Variants in FKBP9 observed in about 807,000 individuals in gnomAD.
FKBP9 encodes peptidyl-prolyl cis-trans isomerase FKBP9.
A neutral mutation model predicts 55.6 loss-of-function variants in FKBP9; 27 were observed. The ratio of observed to expected loss-of-function variants is 0.49; its 90% confidence interval spans 0.36 to 0.67. The LOEUF (loss-of-function observed/expected upper bound fraction) is 0.67. FKBP9 is among the 30% of genes least tolerant of loss of function. FKBP9 has a pLI of 0.00. For synonymous variants in FKBP9, 267 were observed against 296.5 expected (o/e 0.90, Z 1.02); for missense variants, 539 against 742.8 (o/e 0.73, Z 3.19).
chr7:32,977,862 T>C (rs1035877123), intron 4 of FKBP9, among the ~76,000 whole-genome samples: 11 of 129,362 alleles, frequency 8.5e-5, no homozygotes, highest in Non-Finnish European at 1.8e-4. Context: ...TATATATATA[T>C]ACATGCCCAT....
chr7:32,992,652 G>A (rs1784707841), intron 6 of FKBP9: 2 of 189,320 alleles, frequency 1.1e-5, no homozygotes, highest in Admixed American at 1.2e-4. Flanking sequence ...AGGGATAGAG[G>A]TTCGAAGCCT....
Position 32,980,880 on chromosome 7 carries a change from G to A in FKBP9, c.893+327G>A, listed in dbSNP as rs546258160. 9.2e-5 allele frequency among the ~76,000 whole-genome samples: 14 copies of A among 151,880 alleles called. No individual in the cohort carries two copies. The South Asian group carries it at 1.5e-3, about 16-fold the overall frequency. On this transcript the variant is annotated intron_variant, in intron 5 of 9. Transcript: ENST00000242209. ...CTCCTTAGTAGCTAGGACGATAGGC[G>A]TGTGCCACCATGCTTGGCTAATGTT...
At chr7:32,966,554 A>C (rs1196750975) in intron 1 of FKBP9, among the ~76,000 whole-genome samples, 1 of 152,212 alleles carries the variant, frequency 6.6e-6, no homozygotes, top group Non-Finnish European at 1.5e-5. Flanking sequence ...TATGGGTTGC[A>C]TTAATGACTC....
intron 1 of FKBP9, among the ~76,000 whole-genome samples, chr7:32,962,335 G>C (rs1376311634): frequency 1.3e-5 from 2 of 152,048 alleles, no homozygotes; most frequent in East Asian, 3.9e-4. Flanking sequence ...TGGAGGTTGC[G>C]GTGAGTCGAG....
In FKBP9 at chr7:33,000,142, T is replaced by C. The variant is rs756417253; in HGVS notation, c.1254T>C (p.Ile418=). The C allele has an allele frequency of 2.5e-6, 4 of 1,614,108 alleles. No individual in the cohort carries two copies. The South Asian group carries it at 3.3e-5, about 13-fold the overall frequency. The change falls in exon 8 of 10, where the codon ATT becomes ATC. Residue 418 remains isoleucine (I), a synonymous_variant. Coordinates refer to ENST00000242209, the MANE Select transcript of FKBP9 (RefSeq NM_007270.5). ...GGAATTTAGGCAAAACTTACAATAT[T>C]GTTCTGGGATCTGGGCAAGTTGTGT... is the stretch of plus-strand genomic sequence containing the variant. ...STWNLGKTYN[I]VLGSGQVVLG... is the part of the protein sequence containing the mutation.
chr7:32,972,077 T>G (rs1562565057), intron 1 of FKBP9, among the ~76,000 whole-genome samples: 1 of 152,192 alleles, frequency 6.6e-6, no homozygotes, highest in African/African-American at 2.4e-5. Context: ...CTTGGGAGTC[T>G]TTGAAGTCTT....
intron 1 of FKBP9, among the ~76,000 whole-genome samples, chr7:32,965,866 T>TATAC (rs70989913): frequency 1.0e-5 from 1 of 97,520 alleles, no homozygotes; most frequent in East Asian, 2.6e-4. Context: ...TATATATATA[T>TATAC]ACATACATAT....
At chr7:33,005,048 C>A (rs372815352) in intron 9 of FKBP9, 127 bp from the exon 10 acceptor site, 5 of 1,435,550 alleles carry the variant, frequency 3.5e-6, no homozygotes, top group East Asian at 2.4e-5. Context: ...CCAAAAAGAT[C>A]TTGTCTGTGT....
intron 1 of FKBP9, among the ~76,000 whole-genome samples, chr7:32,966,877 G>A (rs1784155975): frequency 6.6e-6 from 1 of 152,164 alleles, no homozygotes; most frequent in South Asian, 2.1e-4. Flanking sequence ...TCATCACCGA[G>A]GGGATGGCGC....
At position 32,968,265 on chromosome 7, in the gene FKBP9, T is replaced by C. The variant is rs530631870; in HGVS notation, c.222-6352T>C. Among the ~76,000 whole-genome samples the C allele has an allele frequency of 2.0e-5, 3 of 152,366 alleles. No individual in the cohort carries two copies. The South Asian group carries it at 6.2e-4, about 32-fold the overall frequency. ...CAGGTTGCCTAGGCTGGTCTTGAAC[T>C]CTTGGGCTCAAGCTTCAACCTTGGA... On this transcript the variant is annotated intron_variant, in intron 1 of 9. Transcript: ENST00000242209.
intron 7 of FKBP9, among the ~76,000 whole-genome samples, chr7:32,999,300 G>A (rs1784882131): frequency 6.6e-6 from 1 of 152,102 alleles, no homozygotes; most frequent in East Asian, 1.9e-4. Context: ...GGGTCAGGGG[G>A]CTTTTCTCCT....
At chr7:32,962,124 C>T (rs1344781975) in intron 1 of FKBP9, among the ~76,000 whole-genome samples, 2 of 152,068 alleles carry the variant, frequency 1.3e-5, no homozygotes, top group South Asian at 2.1e-4. Context: ...CAGCCAGGCA[C>T]GGTGGCTCAT....
chr7:32,989,035 T>C (rs1157034069), intron 6 of FKBP9: 1 of 157,142 alleles, frequency 6.4e-6, no homozygotes, highest in Non-Finnish European at 1.4e-5. Context: ...AAATGTTAAA[T>C]CCTACACCAA....
chr7:32,974,458 T>G (rs1784320698), intron 1 of FKBP9, 159 bp from the exon 2 acceptor site: 1 of 548,572 alleles, frequency 1.8e-6, no homozygotes, highest in Non-Finnish European at 3.3e-6. Flanking sequence ...CTACAAGTAC[T>G]GTCCAGTGGA....
intron 9 of FKBP9, among the ~76,000 whole-genome samples, chr7:33,004,491 G>C (rs781689358): frequency 9.2e-5 from 14 of 152,138 alleles, no homozygotes; most frequent in African/African-American, 3.1e-4. Context: ...CTGCTCAGGA[G>C]ACATCTACCC....
At chr7:33,002,578 T>C (rs2953604) in intron 8 of FKBP9, 98 bp from the exon 9 acceptor site, 303,264 of 1,507,626 alleles carry the variant, frequency 0.2, 32,860 homozygotes, top group East Asian at 0.28. Context: ...GAAGTCCCAC[T>C]CTGAGTGAGG....
chr7:32,979,727 T>G, intron 4 of FKBP9: 1 of 713,856 alleles, frequency 1.4e-6, no homozygotes, highest in Non-Finnish European at 2.5e-6. Flanking sequence ...TTGCAGATAT[T>G]CAAAATATTC....
At chr7:32,963,108 T>TG (rs1784057294) in intron 1 of FKBP9, among the ~76,000 whole-genome samples, 1 of 152,196 alleles carries the variant, frequency 6.6e-6, no homozygotes, top group Admixed American at 6.5e-5. Context: ...GAGGAGCTGA[T>TG]GCTTGAGTTG....
intron 5 of FKBP9, among the ~76,000 whole-genome samples, chr7:32,987,909 G>A (rs1294705624): frequency 6.6e-6 from 1 of 152,198 alleles, no homozygotes; most frequent in Non-Finnish European, 1.5e-5. Flanking sequence ...GCTGGGCACG[G>A]TGGCTCATAC....
Sources: gnomAD v4.1 joint callset for allele counts (sites outside exome capture counted in the v4.1 genomes callset) on GRCh38, gnomAD v4.1.1 for gene constraint, MANE v1.5 for transcripts, NCBI Gene and HGNC (gene_info 2026-07-23, HGNC 2026-07-21) for gene names.